ZBTB20: variants seen among roughly 807,000 people sequenced by gnomAD.
ZBTB20 encodes zinc finger and BTB domain containing 20.
ZBTB20 carries 9 observed loss-of-function variants against 56.9 expected under a neutral mutation model. The ratio of observed to expected loss-of-function variants is 0.16; its 90% confidence interval spans 0.10 to 0.28. ZBTB20 has a LOEUF of 0.28. Among genes scored for constraint, ZBTB20 ranks in the 10% least tolerant of loss-of-function variants. The probability of loss-of-function intolerance (pLI) is 1.00; values close to 1 mark genes in which losing one functional copy is unlikely to be tolerated. For missense variants in ZBTB20, 655 were observed against 1,003.0 expected, an observed-to-expected ratio of 0.65 and a Z score of 4.69; for synonymous variants, 417 against 420.7, an observed-to-expected ratio of 0.99 and a Z score of 0.11.
intron 3 of ZBTB20, among the ~76,000 whole-genome samples, chr3:114,910,472 C>T (rs2075489859): frequency 6.6e-6 from 1 of 151,618 alleles, no homozygotes; most frequent in Non-Finnish European, 1.5e-5. Context: ...TGATATCAAA[C>T]CCAGATAAAG....
chr3:114,709,681 A>G (rs1465655633), intron 5 of ZBTB20, among the ~76,000 whole-genome samples: 2 of 152,202 alleles, frequency 1.3e-5, no homozygotes, highest in African/African-American at 2.4e-5. Context: ...CAGAAGTAAT[A>G]TCCAGGCATC....
intron 7 of ZBTB20, among the ~76,000 whole-genome samples, chr3:114,405,945 T>TA (rs142376688): frequency 0.014 from 2,159 of 151,832 alleles, 48 homozygotes; most frequent in African/African-American, 0.048. Flanking sequence ...CATTTTTTTT[T>TA]AAAAAACAGC....
At chr3:114,366,520 G>C (rs1274355995) in intron 10 of ZBTB20, among the ~76,000 whole-genome samples, 1 of 152,126 alleles carries the variant, frequency 6.6e-6, no homozygotes, top group African/African-American at 2.4e-5. Flanking sequence ...GTGATTTAAG[G>C]AATACTGCAT....
chr3:115,136,595 T>C (rs534534152), intron 1 of ZBTB20, among the ~76,000 whole-genome samples: 1 of 152,266 alleles, frequency 6.6e-6, no homozygotes, highest in African/African-American at 2.4e-5. Context: ...ATGCACCCAT[T>C]TGTGCATTAT....
intron 2 of ZBTB20, among the ~76,000 whole-genome samples, chr3:115,055,222 T>TCTCTCTCTCTCTCTCTCTCTCTCC (rs2081723718): frequency 6.6e-6 from 1 of 150,694 alleles, no homozygotes; most frequent in African/African-American, 2.5e-5. Flanking sequence ...TCTCTCTCTC[T>TCTCTCTCTCTCTCTCTCTCTCTCC]CTCACTGTCC....
chr3:114,432,767 C>T (rs111619131), intron 7 of ZBTB20, among the ~76,000 whole-genome samples: 6 of 152,256 alleles, frequency 3.9e-5, no homozygotes, highest in African/African-American at 1.2e-4. Flanking sequence ...AACACCAAGA[C>T]GACTGGTTCC....
At chr3:115,035,797 T>C (rs1015946709) in intron 2 of ZBTB20, among the ~76,000 whole-genome samples, 19 of 152,106 alleles carry the variant, frequency 1.2e-4, no homozygotes, top group African/African-American at 3.9e-4. Flanking sequence ...ATATTCACAA[T>C]TACTAAAATA....
chr3:114,509,038 A>G (rs1391685493), intron 6 of ZBTB20, among the ~76,000 whole-genome samples: 1 of 152,192 alleles, frequency 6.6e-6, no homozygotes, highest in Non-Finnish European at 1.5e-5. Context: ...TGAATGGAAC[A>G]GTAAAGGTGT....
chr3:114,602,528 C>A (rs1012201825), intron 6 of ZBTB20, among the ~76,000 whole-genome samples: 1 of 151,922 alleles, frequency 6.6e-6, no homozygotes, highest in Admixed American at 6.6e-5. Context: ...TTACTGACTT[C>A]TGATATGCTT....
intron 7 of ZBTB20, among the ~76,000 whole-genome samples, chr3:114,394,204 G>A (rs1175485410): frequency 1.3e-5 from 2 of 152,144 alleles, no homozygotes; most frequent in Non-Finnish European, 2.9e-5. Flanking sequence ...TATGGTGTAT[G>A]TTTTAGTATA....
At chr3:114,840,279 G>A (rs891435862) in intron 4 of ZBTB20, among the ~76,000 whole-genome samples, 2 of 152,154 alleles carry the variant, frequency 1.3e-5, no homozygotes, top group African/African-American at 4.8e-5. Flanking sequence ...ATAAATTCAC[G>A]CATGTGCAAC....
At chr3:115,015,571 T>C (rs1271293309) in intron 2 of ZBTB20, among the ~76,000 whole-genome samples, 1 of 151,916 alleles carries the variant, frequency 6.6e-6, no homozygotes, top group East Asian at 1.9e-4. Context: ...TATGTGTTGT[T>C]TGGTTCTCTG....
At chr3:114,495,033 T>C (rs1310234224) in intron 7 of ZBTB20, among the ~76,000 whole-genome samples, 2 of 152,238 alleles carry the variant, frequency 1.3e-5, no homozygotes, top group Admixed American at 1.3e-4. Context: ...CTTTCTAGCC[T>C]GCAAGGCTCT....
intron 4 of ZBTB20, among the ~76,000 whole-genome samples, chr3:114,809,100 T>C (rs141387106): frequency 0.012 from 1,750 of 151,976 alleles, 15 homozygotes; most frequent in South Asian, 0.041. Flanking sequence ...TTCTTGTTAC[T>C]GTCAAAATTT....
chr3:114,547,526 G>A (rs2050037514), intron 6 of ZBTB20, among the ~76,000 whole-genome samples: 1 of 152,128 alleles, frequency 6.6e-6, no homozygotes, highest in Non-Finnish European at 1.5e-5. Flanking sequence ...CTCAGGAAAG[G>A]GTCCTATGGA....
intron 2 of ZBTB20, among the ~76,000 whole-genome samples, chr3:114,996,310 A>T (rs2079024361): frequency 6.6e-6 from 1 of 151,884 alleles, no homozygotes; most frequent in African/African-American, 2.4e-5. Flanking sequence ...TGCACCCATC[A>T]ACCTGTCATC....
At chr3:115,146,913 C>G (rs1393684203) in intron 1 of ZBTB20, among the ~76,000 whole-genome samples, 1 of 151,498 alleles carries the variant, frequency 6.6e-6, no homozygotes, top group Non-Finnish European at 1.5e-5. Flanking sequence ...GACCCTCCCG[C>G]GCCTCCCTCC....
intron 1 of ZBTB20, among the ~76,000 whole-genome samples, chr3:115,128,826 A>G (rs2084417157): frequency 1.3e-5 from 2 of 152,000 alleles, no homozygotes; most frequent in Non-Finnish European, 2.9e-5. Flanking sequence ...TTGGCAGGGC[A>G]CGGTGGCTCA....
intron 2 of ZBTB20, among the ~76,000 whole-genome samples, chr3:115,062,866 TTAAG>T (rs2082061691): frequency 6.6e-6 from 1 of 152,316 alleles, no homozygotes; most frequent in South Asian, 2.1e-4. Flanking sequence ...GAAAAATATA[TTAAG>T]TATTTAAAAA....
Sources: gnomAD v4.1 joint callset for allele counts (sites outside exome capture counted in the v4.1 genomes callset) on GRCh38, gnomAD v4.1.1 for gene constraint, MANE v1.5 for transcripts, NCBI Gene and HGNC (gene_info 2026-07-23, HGNC 2026-07-21) for gene names.